Variants in TTN observed in about 807,000 individuals in gnomAD.
TTN encodes the protein connectin.
Under a neutral mutation model 3,223.0 loss-of-function variants are expected in TTN, and 1,525 were observed. The ratio of observed to expected loss-of-function variants is 0.47; its 90% CI spans 0.45 to 0.49. The LOEUF is 0.49. TTN is among the 20% of genes least tolerant of loss of function. The pLI, the probability that TTN is intolerant of heterozygous loss-of-function variation, is 0.00. For missense variants in TTN, 40,786 were observed against 43,424.0 expected (o/e 0.94, Z 5.40); for synonymous variants, 14,094 against 15,161.0 (o/e 0.93, Z 5.17).
intron 67 of TTN, 82 bp from the exon 68 acceptor site, chr2:178,727,945 C>G: frequency 1.4e-6 from 2 of 1,451,972 alleles, no homozygotes; most frequent in Non-Finnish European, 1.8e-6. Context: ...TTTAAGAAAA[C>G]ACTCTTGGAA....
At position 178,573,085 on chromosome 2, in the gene TTN, A is replaced by C. The variant is rs2154170589; in HGVS notation, c.73047T>G (p.Tyr24349Ter). 1.9e-6 allele frequency: 3 copies of C among 1,613,266 alleles called. No homozygotes were observed. The highest frequency in any genetic ancestry group is 2.5e-6 in the Non-Finnish European group (3 of 1,179,544). Residue 24349 changes from tyrosine (Y) to a stop codon, truncating the protein, a stop_gained, in exon 326 of 363, where the codon TAT becomes TAG. Transcript: ENST00000589042. LOFTEE classifies it high-confidence loss of function. Reference protein sequence around the residue: ...SISIAWNKPIYDGGSEITGYM... With the variant: ...SISIAWNKPI Reference sequence around the variant, plus strand: ...ACCCAGTGATTTCTGAACCACCATCATAGATAGGTTTATTCCAAGCGATTG... The same window carrying C: ...ACCCAGTGATTTCTGAACCACCATCCTAGATAGGTTTATTCCAAGCGATTG...
Position 178,572,090 on chromosome 2 carries a change from T to C in TTN, c.74042A>G (p.Gln24681Arg), listed in dbSNP as rs537071956. The C allele has an allele frequency of 1.2e-4, 186 of 1,613,246 alleles. 2 individuals are homozygous for C. In the East Asian group the frequency reaches 3.2e-3, roughly 27 times the overall value. ...VTEATITGLIQGEEYSFRVSA... is the reference protein window; with the variant it reads ...VTEATITGLIRGEEYSFRVSA... ...AACACGGAAAGAGTATTCTTCACCC[T>C]GAATTAATCCAGTGATAGTGGCTTC... The change falls in exon 326 of 363, where the codon CAG (glutamine) becomes CGG (arginine). Residue 24681 changes from glutamine (Q) to arginine (R), a missense_variant. By Grantham distance (43) the Gln-to-Arg change is conservative (BLOSUM62 1). Transcript: ENST00000589042.
In TTN at chr2:178,715,500, T is replaced by G; in HGVS notation, c.25914A>C (p.Lys8638Asn). ...AGSASSSTSL[K>N]VKEPPIFRKK... Reference sequence around the variant, plus strand: ...GGTGGGGAGAGCGCTGACCTTTAACTTTTAAGGATGTGCTGCTGCTGGCAC... The same window carrying G: ...GGTGGGGAGAGCGCTGACCTTTAACGTTTAAGGATGTGCTGCTGCTGGCAC... Residue 8638 changes from lysine to asparagine, a missense_variant, in exon 89 of 363, where the codon AAA becomes AAC. Transcript: ENST00000589042. 6.2e-7 allele frequency: 1 copy of G among 1,611,322 alleles called. No homozygotes were observed. Among genetic ancestry groups the G allele is most frequent in the Non-Finnish European group, 8.5e-7 (1 of 1,177,870 alleles).
Position 178,532,596 on chromosome 2 carries a change from C to T in TTN, c.104019G>A (p.Met34673Ile). The change falls in exon 358 of 363, where the codon ATG becomes ATA. Residue 34673 changes from methionine to isoleucine, a missense_variant. Physicochemically the swap from Met to Ile is conservative, Grantham distance 10 (BLOSUM62 1). Coordinates refer to ENST00000589042, the MANE Select transcript of TTN (RefSeq NM_001267550.2). ...GCAGCCTCTCTTCCTCTGTTCTTTT[C>T]ATTGCTAAGTAGTCATCAATGGGGA... ...LLLPIDDYLA[M>I]KRTEEERLRL... is the part of the protein sequence containing the mutation. 2 of 1,613,954 alleles carry T rather than the reference C, an allele frequency of 1.2e-6. No homozygotes were observed. The highest frequency in any genetic ancestry group is 1.7e-6 in the Non-Finnish European group (2 of 1,179,864).
In TTN at chr2:178,536,481, T is replaced by C; in HGVS notation, c.100266A>G (p.Ala33422=). The change falls in exon 357 of 363, where the codon GCA becomes GCG. Residue 33422 remains alanine, a synonymous_variant. Coordinates refer to ENST00000589042, the MANE Select transcript of TTN (RefSeq NM_001267550.2). ...TCTCAAGGTAGTAATTTCTAATCTT[T>C]GCACCTCCATCACTGGCAGGTGGCT... is the stretch of plus-strand genomic sequence containing the variant. ...AWKPPASDGG[A]KIRNYYLEKR... is the part of the protein sequence containing the mutation. The C allele has an allele frequency of 6.3e-7, 1 of 1,582,914 alleles. No individual in the cohort carries two copies. The highest frequency in any genetic ancestry group is 8.6e-7 in the Non-Finnish European group (1 of 1,163,932).
chr2:178,721,339 A>G (rs929170703), intron 78 of TTN, 137 bp from the exon 79 acceptor site: 23 of 732,792 alleles, frequency 3.1e-5, no homozygotes, highest in Admixed American at 1.3e-4. Context: ...AGGATTTTAC[A>G]GTAAAATAAG....
chr2:178,698,782 G>T lies in TTN; in HGVS notation c.30754+61C>A. The T allele has an allele frequency of 3.4e-6, 5 of 1,466,070 alleles. No homozygotes were observed. The South Asian group carries it at 5.2e-5, about 15-fold the overall frequency. The allele number at this position is 1,466,070 out of a possible 1,614,324, so 90.8% of individuals were successfully genotyped here. ...CCCTTCCTTCACCCTCCACTGTTTA[G>T]AATTTAAAAGTTTTGGCCAAGAAAA... On this transcript the variant is annotated intron_variant, in intron 112 of 362. Coordinates refer to ENST00000589042, the MANE Select transcript of TTN (RefSeq NM_001267550.2).
In TTN at chr2:178,604,290, G is replaced by A. The variant is rs532354607; in HGVS notation, c.54397C>T (p.Pro18133Ser). Residue 18133 changes from proline to serine, a missense_variant, in exon 282 of 363, where the codon CCC (proline) becomes TCC (serine). By Grantham distance (74) the Pro-to-Ser change is moderately conservative. Transcript: ENST00000589042. ...EKRYGIWKLI[P>S]NGQYEFRVRA... ...ACTCGGAACTCATACTGACCATTGG[G>A]GATAAGTTTCCAGATCTAGAAATTA... 1 of 1,459,782 alleles carries A rather than the reference G, an allele frequency of 6.9e-7. No individual in the cohort carries two copies. Among genetic ancestry groups the A allele is most frequent in the Non-Finnish European group, 9.1e-7 (1 of 1,102,542 alleles). 90.4% of individuals were successfully genotyped at this position (1,459,782 alleles called of 1,614,324 possible).
chr2:178,763,644 G>A (rs954287997), intron 43 of TTN, among the ~76,000 whole-genome samples: 3 of 152,146 alleles, frequency 2.0e-5, no homozygotes, highest in Non-Finnish European at 4.4e-5. Context: ...AGGAGAACGA[G>A]AGACATGATA....
intron 226 of TTN, 117 bp from the exon 227 acceptor site, chr2:178,635,832 C>T: frequency 4.6e-6 from 7 of 1,508,266 alleles, no homozygotes; most frequent in Non-Finnish European, 6.2e-6. Context: ...AATTAATCCA[C>T]TGTAGGATAT....
chr2:178,720,088 T>C lies in TTN; in HGVS notation c.23554A>G (p.Thr7852Ala). 1.9e-6 allele frequency: 3 copies of C among 1,613,684 alleles called. No individual in the cohort carries two copies. The highest frequency in any genetic ancestry group is 2.2e-5 in the East Asian group (1 of 44,854). Residue 7852 changes from threonine to alanine, a missense_variant, in exon 81 of 363, where the codon ACC (threonine) becomes GCC (alanine). By Grantham distance (58) the Thr-to-Ala change is moderately conservative. Coordinates refer to ENST00000589042, the MANE Select transcript of TTN (RefSeq NM_001267550.2). ...GCTTCTGGACTCCCCAGCTGGAGGG[T>C]TGCAATGTTATCAATGAATGAAATC... ...TRISFIDNIA[T>A]LQLGSPEASN...
chr2:178,790,814 G>T lies in TTN; in HGVS notation c.1694C>A (p.Ser565Tyr), dbSNP rs762175397. The T allele has an allele frequency of 2.5e-6, 4 of 1,614,114 alleles. No individual in the cohort carries two copies. The highest frequency in any genetic ancestry group is 3.4e-6 in the Non-Finnish European group (4 of 1,179,966). The part of the protein sequence containing the change: ...IRQETEITAA[S>Y]MVVVATAKST... ...CTTTGCAGTGGCAACTACCACCATG[G>T]ATGCAGCAGTTATCTCAGTTTCCTG... The change falls in exon 11 of 363, where the codon TCC becomes TAC. Residue 565 changes from serine to tyrosine, a missense_variant. Coordinates refer to ENST00000589042, the MANE Select transcript of TTN (RefSeq NM_001267550.2).
rs1477448724 is a variant in TTN at position 178,693,909 on chromosome 2, GT to G, written c.31513+12del. 2 of 1,610,804 alleles carry G rather than the reference GT, an allele frequency of 1.2e-6. No individual in the cohort carries two copies. Among genetic ancestry groups the G allele is most frequent in the East Asian group, 4.5e-5 (2 of 44,826 alleles). ...CTTCCATTTGAGCCCCCACATTCCA[GT>G]TTGCCTTATACCTGTGACTGACACC... On this transcript the variant is annotated intron_variant, in intron 118 of 362. Coordinates refer to ENST00000589042, the MANE Select transcript of TTN (RefSeq NM_001267550.2).
Position 178,696,278 on chromosome 2 carries a change from G to T in TTN, c.30803-9C>A, listed in dbSNP as rs1229561032. On this transcript the variant is annotated splice_polypyrimidine_tract_variant and intron_variant, in intron 113 of 362. Transcript: ENST00000589042. Reference sequence around the variant, plus strand: ...ATCAATGATTTCAGGAGCTAAAATAGATAAAGATACTATTAGCATATTAAT... The same window carrying T: ...ATCAATGATTTCAGGAGCTAAAATATATAAAGATACTATTAGCATATTAAT... 4.6e-6 allele frequency: 7 copies of T among 1,511,434 alleles called. No individual in the cohort carries two copies. The allele number at this position is 1,511,434 out of a possible 1,614,324, so 93.6% of individuals were successfully genotyped here. A position where few individuals can be genotyped will look rare whatever the true frequency, so the allele number is the denominator to read the frequency against.
chr2:178,549,943 C>A, intron 337 of TTN, 43 bp downstream of exon 337: 1 of 1,564,134 alleles, frequency 6.4e-7, no homozygotes, highest in Non-Finnish European at 8.7e-7. Context: ...GTCTCTAATC[C>A]AAGTTCATAA....
At chr2:178,615,616 A>C (rs1481745351) in intron 258 of TTN, 25 bp downstream of exon 258, 1 of 1,611,694 alleles carries the variant, frequency 6.2e-7, no homozygotes, top group South Asian at 1.1e-5. Context: ...AAGATTAGGT[A>C]AGAAATCATC....
At position 178,535,641 on chromosome 2, in the gene TTN, C is replaced by A. The variant is rs542396704; in HGVS notation, c.100974G>T (p.Gly33658=). The change falls in exon 358 of 363, where the codon GGG becomes GGT. Residue 33658 remains glycine, a synonymous_variant. Coordinates refer to ENST00000589042, the MANE Select transcript of TTN (RefSeq NM_001267550.2). ...AGAAACCAGCATCTTTTCTCTCTAC[C>A]CCATTGGGGAAAACAAGTGATGTGA... ...RSFTSLVFPN[G]VERKDAGFYV... 6.2e-7 allele frequency: 1 copy of A among 1,613,754 alleles called. No homozygotes were observed. Among genetic ancestry groups the A allele is most frequent in the Admixed American group, 1.7e-5 (1 of 60,010 alleles).
At position 178,695,862 on chromosome 2, in the gene TTN, T is replaced by C. The variant is rs2073614259; in HGVS notation, c.31207+3A>G. The C allele has an allele frequency of 2.1e-6, 3 of 1,443,986 alleles. No individual in the cohort carries two copies. Among genetic ancestry groups the C allele is most frequent in the Admixed American group, 3.0e-5 (1 of 33,544 alleles). The allele number at this position is 1,443,986 out of a possible 1,614,324, so 89.4% of individuals were successfully genotyped here. ...GGAAACAAGTCATTCAGTTTATACA[T>C]ACCTTCATAGACCTCCTTTTGAACT... is the stretch of plus-strand genomic sequence containing the variant. On this transcript the variant is annotated splice_donor_region_variant and intron_variant, in intron 114 of 362. Transcript: ENST00000589042.
chr2:178,689,743 C>A lies in TTN; in HGVS notation c.31846+70G>T. The A allele has an allele frequency of 6.7e-6, 10 of 1,494,940 alleles. No individual in the cohort carries two copies. The South Asian group carries it at 1.0e-4, about 15-fold the overall frequency. The allele number at this position is 1,494,940 out of a possible 1,614,324, so 92.6% of individuals were successfully genotyped here. ...TTTAGAATTAAACTAACTCAATGAACAGATAATTAAACACAACATATTTTG... is the reference window on the plus strand; with the variant it reads ...TTTAGAATTAAACTAACTCAATGAAAAGATAATTAAACACAACATATTTTG... On this transcript the variant is annotated intron_variant, in intron 122 of 362. Transcript: ENST00000589042.
Sources: allele counts gnomAD v4.1 joint callset (sites outside exome capture counted in the v4.1 genomes callset), GRCh38; gene constraint gnomAD v4.1.1; transcripts MANE v1.5; gene names NCBI Gene and HGNC (gene_info 2026-07-23, HGNC 2026-07-21).